Variants in TMEM135 observed in about 807,000 individuals in gnomAD.
The protein encoded by TMEM135 is transmembrane protein 135, also known as peroxisomal membrane protein 52.
In TMEM135, 30 loss-of-function variants were observed where a neutral mutation model predicts 60.3. The ratio of observed to expected loss-of-function variants is 0.50; its 90% CI spans 0.37 to 0.68. The LOEUF (loss-of-function observed/expected upper bound fraction) is 0.68. Ranked by LOEUF, TMEM135 falls within the 30% of genes least tolerant of loss-of-function variation. The pLI is 0.00. For missense variants in TMEM135, 468 were observed against 548.8 expected, an observed-to-expected ratio of 0.85 and a Z score of 1.47; for synonymous variants, 190 against 186.7, an observed-to-expected ratio of 1.02 and a Z score of -0.14.
intron 5 of TMEM135, among the ~76,000 whole-genome samples, chr11:87,223,182 T>C (rs1940682359): frequency 7.1e-6 from 1 of 141,576 alleles, no homozygotes; most frequent in Non-Finnish European, 1.6e-5. Context: ...TTTTTTTTTC[T>C]GAGATGGAGT....
In TMEM135 at chr11:87,195,504, G is replaced by A. The variant is rs900232980; in HGVS notation, c.462+38098G>A. ...TGCAATGGCATGATCTCAGCTCGCC[G>A]CAATCTCCACCTCCCGGGTTCAAGC... On this transcript the variant is annotated intron_variant, in intron 5 of 14. Transcript: ENST00000305494. Among the ~76,000 whole-genome samples, 7 of 151,636 alleles carry A rather than the reference G, an allele frequency of 4.6e-5. No homozygotes were observed. The East Asian group carries it at 1.2e-3, about 25-fold the overall frequency.
intron 4 of TMEM135, among the ~76,000 whole-genome samples, chr11:87,102,636 CATA>C (rs924039249): frequency 6.7e-5 from 10 of 149,242 alleles, no homozygotes; most frequent in Admixed American, 6.0e-4. Context: ...ATTGACAAGT[CATA>C]ATTGTATACA....
intron 4 of TMEM135, among the ~76,000 whole-genome samples, chr11:87,120,422 T>C (rs1399409787): frequency 6.6e-6 from 1 of 151,078 alleles, no homozygotes; most frequent in East Asian, 1.9e-4. Flanking sequence ...TTTAGTCGTA[T>C]CATGGGGATA....
At chr11:87,080,633 G>A (rs1856970541) in intron 3 of TMEM135, among the ~76,000 whole-genome samples, 2 of 151,996 alleles carry the variant, frequency 1.3e-5, no homozygotes, top group African/African-American at 4.8e-5. Context: ...CATATGGAAT[G>A]TCCTTCTGTA....
chr11:87,152,347 T>C (rs1938578709), intron 4 of TMEM135, among the ~76,000 whole-genome samples: 1 of 152,234 alleles, frequency 6.6e-6, no homozygotes, highest in Non-Finnish European at 1.5e-5. Context: ...TTCACTGTAG[T>C]ATATTTAATG....
rs368226739 is a variant in TMEM135, at chr11:87,157,337, A to T, written c.397-4A>T. 1 of 1,610,838 alleles carries T rather than the reference A, an allele frequency of 6.2e-7. No homozygotes were observed. Among genetic ancestry groups the T allele is most frequent in the East Asian group, 2.2e-5 (1 of 44,724 alleles). On this transcript the variant is annotated splice_polypyrimidine_tract_variant and splice_region_variant and intron_variant, in intron 4 of 14. Transcript: ENST00000305494. ...TTTTGCTGTTTTTTTTTTTTAATTTACAGGCCACAGAAACACTATTCAGAA... is the reference window on the plus strand; with the variant it reads ...TTTTGCTGTTTTTTTTTTTTAATTTTCAGGCCACAGAAACACTATTCAGAA...
At chr11:87,098,238 A>G (rs1591017368) in intron 4 of TMEM135, among the ~76,000 whole-genome samples, 1 of 152,126 alleles carries the variant, frequency 6.6e-6, no homozygotes, top group Non-Finnish European at 1.5e-5. Context: ...ATAATGGAAC[A>G]CTAGGCATAA....
intron 5 of TMEM135, among the ~76,000 whole-genome samples, chr11:87,229,928 CT>C (rs1007876882): frequency 6.6e-6 from 1 of 151,968 alleles, no homozygotes; most frequent in African/African-American, 2.4e-5. Context: ...AGTTTAACAG[CT>C]TTTTTGAGGT....
At chr11:87,137,827 A>G (rs184034900) in intron 4 of TMEM135, among the ~76,000 whole-genome samples, 107 of 152,302 alleles carry the variant, frequency 7.0e-4, no homozygotes, top group African/African-American at 2.5e-3. Flanking sequence ...CACATTGGGT[A>G]AAACATGACA....
intron 5 of TMEM135, among the ~76,000 whole-genome samples, chr11:87,166,926 C>A (rs1057003907): frequency 2.2e-4 from 34 of 152,136 alleles, no homozygotes; most frequent in Non-Finnish European, 4.0e-4. Context: ...ATTACTTCTT[C>A]CTATCCATGA....
At chr11:87,041,222 G>C (rs927197674) in intron 1 of TMEM135, among the ~76,000 whole-genome samples, 1 of 151,704 alleles carries the variant, frequency 6.6e-6, no homozygotes, top group Admixed American at 6.6e-5. Context: ...CTGAAGGTTA[G>C]AGACATTAAG....
At chr11:87,207,415 G>T (rs1018422718) in intron 5 of TMEM135, among the ~76,000 whole-genome samples, 1 of 152,044 alleles carries the variant, frequency 6.6e-6, no homozygotes, top group African/African-American at 2.4e-5. Flanking sequence ...CATTTTAGTA[G>T]AGTTTTCAGA....
chr11:87,223,663 G>GCACACACACACA lies in TMEM135; in HGVS notation c.463-12972_463-12971insACACACACACAC, dbSNP rs1320732136. On this transcript the variant is annotated intron_variant, in intron 5 of 14. Coordinates refer to ENST00000305494, the MANE Select transcript of TMEM135 (RefSeq NM_022918.4). ...CTGTCTCTACTAAAAATACGCACAT[G>GCACACACACACA]CACGCACACACACACACACACACAC... Among the ~76,000 whole-genome samples the GCACACACACACA allele has an allele frequency of 6.5e-3, 851 of 130,936 alleles. 8 individuals are homozygous for GCACACACACACA. Among genetic ancestry groups the GCACACACACACA allele is most frequent in the African/African-American group, 0.023 (756 of 33,526 alleles). The allele number at this position is 130,936 out of a possible 152,430, so 85.9% of individuals were successfully genotyped here.
intron 6 of TMEM135, among the ~76,000 whole-genome samples, chr11:87,283,388 T>C (rs1942104218): frequency 6.6e-6 from 1 of 150,918 alleles, no homozygotes; most frequent in Non-Finnish European, 1.5e-5. Context: ...GCTTACAAAA[T>C]GTTGTTTTTG....
At chr11:87,272,036 CTTTCTTTTTCT>C (rs907345585) in intron 6 of TMEM135, among the ~76,000 whole-genome samples, 1 of 135,260 alleles carries the variant, frequency 7.4e-6, no homozygotes, top group Non-Finnish European at 1.6e-5. Context: ...CATTATATTT[CTTTCTTTTTCT>C]TTTCTTTTTT....
At chr11:87,171,328 A>G (rs1939230647) in intron 5 of TMEM135, among the ~76,000 whole-genome samples, 3 of 136,504 alleles carry the variant, frequency 2.2e-5, no homozygotes, top group South Asian at 5.2e-4. Flanking sequence ...CAGGTTCAAG[A>G]CAGTGTAGTG....
intron 5 of TMEM135, among the ~76,000 whole-genome samples, chr11:87,206,368 T>C (rs943263549): frequency 2.0e-5 from 3 of 152,196 alleles, no homozygotes; most frequent in Non-Finnish European, 4.4e-5. Flanking sequence ...TTATATTTCA[T>C]CTCAAATTAT....
chr11:87,318,475 T>C (rs1942768460), intron 13 of TMEM135, among the ~76,000 whole-genome samples: 1 of 152,026 alleles, frequency 6.6e-6, no homozygotes, highest in African/African-American at 2.4e-5. Flanking sequence ...TTTAATAGAG[T>C]ACAATTTATA....
chr11:87,163,597 C>A (rs1213331841), intron 5 of TMEM135, among the ~76,000 whole-genome samples: 1 of 151,958 alleles, frequency 6.6e-6, no homozygotes, highest in African/African-American at 2.4e-5. Flanking sequence ...GTTCTAGATC[C>A]CTGAGGAATT....
Sources: allele counts gnomAD v4.1 joint callset (sites outside exome capture counted in the v4.1 genomes callset), GRCh38; gene constraint gnomAD v4.1.1; transcripts MANE v1.5; gene names NCBI Gene and HGNC (gene_info 2026-07-23, HGNC 2026-07-21).